MORC3: variants seen among roughly 807,000 people sequenced by gnomAD.
MORC3 encodes MORC family CW-type zinc finger protein 3.
MORC3 carries 31 observed loss-of-function variants against 109.1 expected under a neutral mutation model. That is an observed-to-expected ratio of 0.28 (90% CI 0.21 to 0.38). The LOEUF is 0.38. MORC3 is among the 10% of genes least tolerant of loss of function. MORC3 has a pLI of 1.00. For synonymous variants in MORC3, 395 were observed against 380.7 expected, an observed-to-expected ratio of 1.04 and a Z score of -0.44; for missense variants, 867 against 1,135.8, an observed-to-expected ratio of 0.76 and a Z score of 3.40.
Position 36,360,341 on chromosome 21 carries a change from C to T in MORC3, c.1406+83C>T, listed in dbSNP as rs1451565100. On this transcript the variant is annotated intron_variant, in intron 12 of 16. Transcript: ENST00000400485. The stretch of plus-strand genomic sequence containing the variant: ...CTTGGCAACATTATTTGATGCTTCT[C>T]CAAGGTAAAGCACCTGTAACTGAAA... 3.7e-6 allele frequency: 5 copies of T among 1,359,636 alleles called. No homozygotes were observed. The South Asian group carries it at 5.0e-5, about 14-fold the overall frequency. 84.2% of individuals were successfully genotyped at this position (1,359,636 alleles called of 1,614,324 possible).
intron 9 of MORC3, among the ~76,000 whole-genome samples, chr21:36,356,117 A>G (rs994961125): frequency 2.0e-5 from 3 of 152,194 alleles, no homozygotes; most frequent in African/African-American, 2.4e-5. Context: ...TGAAATTACT[A>G]TAATAATATT....
intron 1 of MORC3, among the ~76,000 whole-genome samples, chr21:36,326,164 G>A (rs530236568): frequency 2.0e-5 from 3 of 151,890 alleles, no homozygotes; most frequent in South Asian, 2.1e-4. Context: ...CTGAGATCGC[G>A]CCATTGCACT....
chr21:36,340,638 C>CTTTTTTT (rs34899654), intron 5 of MORC3, among the ~76,000 whole-genome samples: 1 of 123,674 alleles, frequency 8.1e-6, no homozygotes, highest in African/African-American at 3.0e-5. Flanking sequence ...TTCTTTCTTT[C>CTTTTTTT]TTTTTTTTTT....
intron 1 of MORC3, among the ~76,000 whole-genome samples, chr21:36,330,028 A>G (rs936895031): frequency 2.0e-4 from 31 of 151,948 alleles, no homozygotes; most frequent in African/African-American, 7.5e-4. Flanking sequence ...AGGCCCAGCT[A>G]ATTTTGCATT....
At chr21:36,341,641 C>G (rs1271034542) in intron 6 of MORC3, 95 bp downstream of exon 6, 34 of 1,503,240 alleles carry the variant, frequency 2.3e-5, no homozygotes, top group Non-Finnish European at 2.6e-5. Flanking sequence ...AGAAAGGCTG[C>G]CAGTGCTCTC....
At chr21:36,342,975 C>T (rs2085467050) in intron 6 of MORC3, among the ~76,000 whole-genome samples, 1 of 151,322 alleles carries the variant, frequency 6.6e-6, no homozygotes, top group Non-Finnish European at 1.5e-5. Flanking sequence ...GCCAAGACCG[C>T]ACCATTACAC....
Position 36,320,228 on chromosome 21 carries a change from CG to C in MORC3, c.-35del. The C allele has an allele frequency of 6.4e-7, 1 of 1,566,680 alleles. No individual in the cohort carries two copies. The highest frequency in any genetic ancestry group is 8.6e-7 in the Non-Finnish European group (1 of 1,156,716). ...GTTCCGCCACCTCCCAGTCGGGTTG[CG>C]GCGGAGGCCGTTCCTGGCTTTGTAG... On this transcript the variant is annotated 5_prime_UTR_variant, in exon 1 of 17. Transcript: ENST00000400485.
At chr21:36,342,281 C>T (rs941669631) in intron 6 of MORC3, among the ~76,000 whole-genome samples, 5 of 152,080 alleles carry the variant, frequency 3.3e-5, no homozygotes, top group Admixed American at 1.3e-4. Context: ...AGAATACATA[C>T]CTTAATTGTC....
rs1357316780 is a variant in MORC3 at position 36,375,407 on chromosome 21, A to C, written c.*111A>C. 2 of 969,742 alleles carry C rather than the reference A, an allele frequency of 2.1e-6. No individual in the cohort carries two copies. Among genetic ancestry groups the C allele is most frequent in the Non-Finnish European group, 3.0e-6 (2 of 672,772 alleles). The allele number at this position is 969,742 out of a possible 1,614,324, so 60.1% of individuals were successfully genotyped here. ...TGATAGGCAACAGACTGAAAACCAT[A>C]ATCTTTACTGTATTCTATGCATTCA... On this transcript the variant is annotated 3_prime_UTR_variant, in exon 17 of 17. Transcript: ENST00000400485.
Position 36,364,158 on chromosome 21 carries a change from A to C in MORC3, c.1518A>C (p.Glu506Asp). 3.1e-6 allele frequency: 5 copies of C among 1,614,152 alleles called. No homozygotes were observed. Among genetic ancestry groups the C allele is most frequent in the Non-Finnish European group, 4.2e-6 (5 of 1,180,004 alleles). ...CTCCAAGCTTTTCTTCTCCTAAGGA[A>C]AGTGTTCCAAGAAGACATCTTTCAG... ...LSTPSFSSPK[E>D]SVPRRHLSEG... The change falls in exon 14 of 17, where the codon GAA (glutamate) becomes GAC (aspartate). Residue 506 changes from glutamate (E) to aspartate (D), a missense_variant. Physicochemically the swap from Glu to Asp is conservative, Grantham distance 45. Coordinates refer to ENST00000400485, the MANE Select transcript of MORC3 (RefSeq NM_015358.3).
chr21:36,351,478 G>A (rs761695614), intron 9 of MORC3, among the ~76,000 whole-genome samples: 24 of 152,062 alleles, frequency 1.6e-4, no homozygotes, highest in Admixed American at 9.8e-4. Flanking sequence ...CCTGTCCCAT[G>A]TCCTGAGGGC....
intron 13 of MORC3, 81 bp from the exon 14 acceptor site, chr21:36,364,012 A>G: frequency 7.1e-7 from 1 of 1,410,576 alleles, no homozygotes; most frequent in Non-Finnish European, 9.7e-7. Flanking sequence ...GATAAGGGGG[A>G]AGAGGAAGAT....
intron 16 of MORC3, among the ~76,000 whole-genome samples, chr21:36,374,522 T>C (rs1460073019): frequency 1.3e-5 from 2 of 152,164 alleles, no homozygotes; most frequent in Non-Finnish European, 2.9e-5. Context: ...TGGCTAAGCA[T>C]GGTGGTTCAT....
chr21:36,334,424 T>C (rs528236241), intron 2 of MORC3, among the ~76,000 whole-genome samples: 2 of 152,206 alleles, frequency 1.3e-5, no homozygotes, highest in South Asian at 4.1e-4. Flanking sequence ...ATTGAAAATA[T>C]TTTTATTTTT....
At chr21:36,351,678 C>T (rs139513696) in intron 9 of MORC3, among the ~76,000 whole-genome samples, 113 of 152,134 alleles carry the variant, frequency 7.4e-4, no homozygotes, top group African/African-American at 2.5e-3. Context: ...TTCATTTATT[C>T]GTTAATGGAT....
Position 36,320,206 on chromosome 21 carries a change from CCGCCACCTCCCAGT to C in MORC3, c.-56_-43del. ...GTACCCATAGGGCTCCACAGTCGTT[CCGCCACCTCCCAGT>C]CGGGTTGCGGCGGAGGCCGTTCCTG... is the stretch of plus-strand genomic sequence containing the variant. On this transcript the variant is annotated 5_prime_UTR_variant, in exon 1 of 17. Coordinates refer to ENST00000400485, the MANE Select transcript of MORC3 (RefSeq NM_015358.3). 2 of 1,533,060 alleles carry C rather than the reference CCGCCACCTCCCAGT, an allele frequency of 1.3e-6. No homozygotes were observed. 95.0% of individuals were successfully genotyped at this position (1,533,060 alleles called of 1,614,324 possible).
intron 12 of MORC3, chr21:36,361,897 G>T: frequency 2.4e-6 from 1 of 408,488 alleles, no homozygotes. Context: ...AAACCTATGT[G>T]ATGTTCTAGT....
chr21:36,374,922 C>T (rs972097368), intron 16 of MORC3, among the ~76,000 whole-genome samples: 1 of 152,164 alleles, frequency 6.6e-6, no homozygotes, highest in East Asian at 1.9e-4. Context: ...TCTCCCTCCT[C>T]GGCTTCACAA....
At chr21:36,348,315 C>T (rs1163313754) in intron 8 of MORC3, 2 of 152,186 alleles carry the variant, frequency 1.3e-5, no homozygotes, top group Non-Finnish European at 2.9e-5. Flanking sequence ...CTTTCAGAGC[C>T]TTTGCTAGTC....
Sources: allele counts gnomAD v4.1 joint callset (sites outside exome capture counted in the v4.1 genomes callset), GRCh38; gene constraint gnomAD v4.1.1; transcripts MANE v1.5; gene names NCBI Gene and HGNC (gene_info 2026-07-23, HGNC 2026-07-21).